The following PLXNA4 variants were observed in gnomAD, a reference collection of about 807,000 sequenced individuals.
PLXNA4 encodes the protein plexin A4, also known as plexin-A4.
PLXNA4 carries 44 observed loss-of-function variants against 191.8 expected under a neutral mutation model. The observed-to-expected ratio is 0.23, with a 90% CI of 0.18 to 0.29. The LOEUF (loss-of-function observed/expected upper bound fraction) is 0.29. PLXNA4 is among the 10% of genes least tolerant of loss of function. The probability of loss-of-function intolerance (pLI) is 1.00; values close to 1 mark genes in which losing one functional copy is unlikely to be tolerated. For synonymous variants in PLXNA4, 1,082 were observed against 1,009.5 expected (o/e 1.07, Z -1.36); for missense variants, 1,800 against 2,488.8 (o/e 0.72, Z 5.89).
chr7:132,288,516 G>A (rs1281504766), intron 4 of PLXNA4, among the ~76,000 whole-genome samples: 1 of 152,182 alleles, frequency 6.6e-6, no homozygotes, highest in African/African-American at 2.4e-5. Flanking sequence ...TTTTGTGAAT[G>A]TCTGAGGTGG....
At chr7:132,530,295 G>T (rs190128786) in intron 1 of PLXNA4, among the ~76,000 whole-genome samples, 39 of 152,214 alleles carry the variant, frequency 2.6e-4, no homozygotes, top group African/African-American at 9.2e-4. Flanking sequence ...CAACAAAACT[G>T]TATTTAAAAA....
At chr7:132,357,039 T>C (rs1803736929) in intron 3 of PLXNA4, among the ~76,000 whole-genome samples, 1 of 152,132 alleles carries the variant, frequency 6.6e-6, no homozygotes, top group African/African-American at 2.4e-5. Context: ...TCTCTGCCTA[T>C]GAGAGGTGTG....
At position 132,259,675 on chromosome 7, in the gene PLXNA4, A is replaced by T. The variant is rs1364184369; in HGVS notation, c.1504-18509T>A. Among the ~76,000 whole-genome samples, 3 of 152,058 alleles carry T rather than the reference A, an allele frequency of 2.0e-5. No individual in the cohort carries two copies. In the East Asian group the frequency reaches 5.8e-4, roughly 29 times the overall value. The stretch of plus-strand genomic sequence containing the variant: ...CCCACCAAATGAGACCTGCACACAG[A>T]TGTTTATAGCAATGTTATTCATAAT... On this transcript the variant is annotated intron_variant, in intron 4 of 31. Transcript: ENST00000321063.
At chr7:132,513,282 T>C (rs156971) in intron 1 of PLXNA4, among the ~76,000 whole-genome samples, 57,008 of 148,904 alleles carry the variant, frequency 0.38, 10,982 homozygotes, top group African/African-American at 0.47. Flanking sequence ...GCAATTACCC[T>C]GTGAAATTAC....
At chr7:132,161,220 A>G (rs769474346) in intron 24 of PLXNA4, among the ~76,000 whole-genome samples, 1 of 152,240 alleles carries the variant, frequency 6.6e-6, no homozygotes, top group Admixed American at 6.5e-5. Context: ...TGAGGGACCC[A>G]TGGGGCAGAG....
At chr7:132,444,192 TACTC>T (rs1203126583) in intron 3 of PLXNA4, among the ~76,000 whole-genome samples, 1 of 152,264 alleles carries the variant, frequency 6.6e-6, no homozygotes, top group Non-Finnish European at 1.5e-5. Flanking sequence ...TTAAACCAGA[TACTC>T]ACCTTCTCAT....
intron 27 of PLXNA4, among the ~76,000 whole-genome samples, chr7:132,147,593 A>G (rs1443460842): frequency 6.6e-6 from 1 of 152,258 alleles, no homozygotes; most frequent in Non-Finnish European, 1.5e-5. Flanking sequence ...GGGGGAAATA[A>G]TAATTATTTA....
intron 1 of PLXNA4, among the ~76,000 whole-genome samples, chr7:132,556,307 G>A (rs1800798865): frequency 6.6e-6 from 1 of 152,166 alleles, no homozygotes; most frequent in Non-Finnish European, 1.5e-5. Context: ...GAGGTGACCC[G>A]CTATATCAGC....
At chr7:132,409,080 G>A (rs968773892) in intron 3 of PLXNA4, among the ~76,000 whole-genome samples, 31 of 152,178 alleles carry the variant, frequency 2.0e-4, no homozygotes, top group African/African-American at 7.2e-4. Flanking sequence ...TCTTCTAGAA[G>A]ATGCAGCTGT....
Position 132,196,589 on chromosome 7 carries a change from A to G in PLXNA4, c.2738+1896T>C, listed in dbSNP as rs138152193. 1.9e-3 allele frequency among the ~76,000 whole-genome samples: 290 copies of G among 152,358 alleles called. 2 individuals carry two copies. Among genetic ancestry groups the G allele is most frequent in the African/African-American group, 6.5e-3 (272 of 41,584 alleles). ...ACTATTATAAATAAGGCTGAAATAA[A>G]CATTCTTGAAAATAAATATTTGTGA... On this transcript the variant is annotated intron_variant, in intron 13 of 31. Transcript: ENST00000321063.
chr7:132,636,632 C>T (rs2116885721), intron 2 of PLXNA4, among the ~76,000 whole-genome samples: 1 of 152,358 alleles, frequency 6.6e-6, no homozygotes, highest in Admixed American at 6.5e-5. Flanking sequence ...CCCTGCTCTG[C>T]TGTTGCCCTT....
intron 3 of PLXNA4, among the ~76,000 whole-genome samples, chr7:132,339,554 G>C (rs1317335105): frequency 1.3e-5 from 2 of 152,090 alleles, no homozygotes; most frequent in Non-Finnish European, 2.9e-5. Flanking sequence ...CATATGCAAG[G>C]CATCAATAAA....
chr7:132,643,240 T>C (rs1803786252), intron 2 of PLXNA4, among the ~76,000 whole-genome samples: 1 of 152,202 alleles, frequency 6.6e-6, no homozygotes, highest in South Asian at 2.1e-4. Flanking sequence ...CCTGTCTGTC[T>C]GGTATTGTTT....
rs1257189985 is a variant in PLXNA4 at position 132,282,280 on chromosome 7, CT to C, written c.1503+15810del. On this transcript the variant is annotated intron_variant, in intron 4 of 31. Transcript: ENST00000321063. ...ACTCGTCATCTAGCATTAGGTATAT[CT>C]CCCAATATAGGCCAGGTGCAATGGC... Among the ~76,000 whole-genome samples, 6 of 152,192 alleles carry C rather than the reference CT, an allele frequency of 3.9e-5. No individual in the cohort carries two copies. The East Asian group carries it at 7.7e-4, about 20-fold the overall frequency.
At chr7:132,328,820 G>GCATGATTTCC (rs999340464) in intron 3 of PLXNA4, among the ~76,000 whole-genome samples, 5 of 152,184 alleles carry the variant, frequency 3.3e-5, no homozygotes, top group African/African-American at 1.2e-4. Context: ...TGCTCTACAA[G>GCATGATTTCC]CATGATTTCC....
intron 1 of PLXNA4, among the ~76,000 whole-genome samples, chr7:132,562,759 CCTCCTT>C (rs1212867238): frequency 3.1e-5 from 4 of 130,506 alleles, no homozygotes; most frequent in African/African-American, 1.3e-4. Context: ...TTCTCCTCCT[CCTCCTT>C]CTCCTTTTCC....
intron 2 of PLXNA4, among the ~76,000 whole-genome samples, chr7:132,596,014 AATAT>A (rs1419573721): frequency 1.3e-5 from 2 of 152,174 alleles, no homozygotes; most frequent in Non-Finnish European, 2.9e-5. Flanking sequence ...CATCTTAAGA[AATAT>A]ATTTTATAGG....
At chr7:132,338,969 C>T (rs1802921140) in intron 3 of PLXNA4, among the ~76,000 whole-genome samples, 1 of 152,128 alleles carries the variant, frequency 6.6e-6, no homozygotes, top group African/African-American at 2.4e-5. Context: ...CACTGTTTTC[C>T]ATGACAATTC....
chr7:132,404,383 T>TA (rs1217187148), intron 3 of PLXNA4, among the ~76,000 whole-genome samples: 2 of 152,312 alleles, frequency 1.3e-5, no homozygotes, highest in Non-Finnish European at 2.9e-5. Flanking sequence ...CCCTTAGCCT[T>TA]TGTGAGGCAG....
Sources: allele counts gnomAD v4.1 joint callset (sites outside exome capture counted in the v4.1 genomes callset), GRCh38; gene constraint gnomAD v4.1.1; transcripts MANE v1.5; gene names NCBI Gene and HGNC (gene_info 2026-07-23, HGNC 2026-07-21).